WEE1: variants seen among roughly 807,000 people sequenced by gnomAD.
The protein encoded by WEE1 is WEE1 G2 checkpoint kinase, also known as wee1-like protein kinase.
WEE1 carries 16 observed loss-of-function variants against 68.8 expected under a neutral mutation model. That is an observed-to-expected ratio of 0.23 (90% CI 0.16 to 0.35). WEE1 has a LOEUF of 0.35. WEE1 is among the 10% of genes least tolerant of loss of function. The probability of loss-of-function intolerance (pLI) is 1.00; values close to 1 mark genes in which losing one functional copy is unlikely to be tolerated. For synonymous variants in WEE1, 349 were observed against 318.7 expected, an observed-to-expected ratio of 1.09 and a Z score of -1.01; for missense variants, 651 against 824.1, an observed-to-expected ratio of 0.79 and a Z score of 2.57.
At chr11:9,580,384 T>A (rs375573058) in intron 5 of WEE1, 28 of 152,194 alleles carry the variant, frequency 1.8e-4, no homozygotes, top group African/African-American at 6.3e-4. Context: ...GGCCATAGTA[T>A]GTAATAGCAA....
At chr11:9,577,114 C>G in intron 4 of WEE1, 28 bp from the exon 5 acceptor site, 1 of 1,581,716 alleles carries the variant, frequency 6.3e-7, no homozygotes. Context: ...AATTATTTAC[C>G]ATTCTATTAA....
intron 10 of WEE1, among the ~76,000 whole-genome samples, chr11:9,588,082 A>G (rs1040429148): frequency 2.6e-5 from 4 of 152,052 alleles, no homozygotes; most frequent in Non-Finnish European, 5.9e-5. Flanking sequence ...TGGCACTATC[A>G]TAGCTCACTG....
chr11:9,585,485 A>G lies in WEE1; in HGVS notation c.1428A>G (p.Glu476=), dbSNP rs10770042. Residue 476 remains glutamate (E), a synonymous_variant, in exon 8 of 11, where the codon GAA becomes GAG. Transcript: ENST00000450114. Reference sequence around the variant, plus strand: ...CAAGGATCTCCAGTCCACAAGTTGAAGAGGGCGATAGTCGTTTTCTTGCAA... The same window carrying G: ...CAAGGATCTCCAGTCCACAAGTTGAGGAGGGCGATAGTCGTTTTCTTGCAA... ...HVTRISSPQV[E]EGDSRFLANE... 0.16 allele frequency: 252,538 copies of G among 1,599,370 alleles called. 20,584 individuals are homozygous for G. Among genetic ancestry groups the G allele is most frequent in the East Asian group, 0.23 (10,443 of 44,706 alleles).
At position 9,585,238 on chromosome 11, in the gene WEE1, C is replaced by A. The variant is rs1036992721; in HGVS notation, c.1289-20C>A. On this transcript the variant is annotated intron_variant, in intron 6 of 10. Transcript: ENST00000450114. The stretch of plus-strand genomic sequence containing the variant: ...GTTTTATTATTATTAGTTTGGCTTA[C>A]ATAATTAACTGTTTGACAGGTAATA... 2 of 1,553,512 alleles carry A rather than the reference C, an allele frequency of 1.3e-6. No homozygotes were observed. The highest frequency in any genetic ancestry group is 2.7e-5 in the African/African-American group (2 of 73,444).
In WEE1 at chr11:9,589,504, A is replaced by C. The variant is rs938961494; in HGVS notation, c.*902A>C. ...CGGTTTTTCTCTTCAATATTTGTGT[A>C]TATAAACCGATCTTCGTGATACTGT... On this transcript the variant is annotated 3_prime_UTR_variant, in exon 11 of 11. Transcript: ENST00000450114. 5.1e-6 allele frequency: 5 copies of C among 985,412 alleles called. No individual in the cohort carries two copies. Among genetic ancestry groups the C allele is most frequent in the Non-Finnish European group, 1.2e-6 (1 of 829,836 alleles). 61.0% of individuals were successfully genotyped at this position (985,412 alleles called of 1,614,324 possible).
rs1048144030 is a variant in WEE1 at position 9,575,347 on chromosome 11, A to G, written c.577-541A>G. ...GATTAAGACAAGCCTCGCATTTGTAAGGTTAACAGGGAAGATGCACCTTTT... is the reference window on the plus strand; with the variant it reads ...GATTAAGACAAGCCTCGCATTTGTAGGGTTAACAGGGAAGATGCACCTTTT... On this transcript the variant is annotated intron_variant, in intron 1 of 10. Coordinates refer to ENST00000450114, the MANE Select transcript of WEE1 (RefSeq NM_003390.4). 10 of 989,240 alleles carry G rather than the reference A, an allele frequency of 1.0e-5. No individual in the cohort carries two copies. In the African/African-American group the frequency reaches 1.7e-4, roughly 17 times the overall value. The allele number at this position is 989,240 out of a possible 1,614,324, so 61.3% of individuals were successfully genotyped here.
chr11:9,587,412 C>T (rs1162165928), intron 10 of WEE1, among the ~76,000 whole-genome samples: 1 of 152,200 alleles, frequency 6.6e-6, no homozygotes, highest in African/African-American at 2.4e-5. Flanking sequence ...TGGTGATAGT[C>T]CCCAAGCCAT....
rs1026746748 is a variant in WEE1 at position 9,574,736 on chromosome 11, C to G, written c.576+227C>G. On this transcript the variant is annotated intron_variant, in intron 1 of 10. Transcript: ENST00000450114. The surrounding 1 kb of genome is among the most constrained non-coding windows in gnomAD (Gnocchi z 4.9). ...CTGGAACTTCATCTTACAAAGGGGCCGATCGGCCCGTCCGGGTGGCCAAGG... is the reference window on the plus strand; with the variant it reads ...CTGGAACTTCATCTTACAAAGGGGCGGATCGGCCCGTCCGGGTGGCCAAGG... 3.8e-6 allele frequency: 4 copies of G among 1,042,934 alleles called. No homozygotes were observed. Among genetic ancestry groups the G allele is most frequent in the Non-Finnish European group, 4.6e-6 (4 of 868,160 alleles). 64.6% of individuals were successfully genotyped at this position (1,042,934 alleles called of 1,614,324 possible). A position where few individuals can be genotyped will look rare whatever the true frequency, so the allele number is the denominator to read the frequency against.
intron 5 of WEE1, 42 bp from the exon 6 acceptor site, chr11:9,581,490 T>C (rs371146678): frequency 8.4e-6 from 13 of 1,553,122 alleles, no homozygotes; most frequent in African/African-American, 5.5e-5. Context: ...AAAGAAAATA[T>C]TTCAGAAAGA....
At position 9,574,903 on chromosome 11, in the gene WEE1, G is replaced by C; in HGVS notation, c.576+394G>C. The stretch of plus-strand genomic sequence containing the variant: ...CCATAGGATGCCTTTTAAACGCGGC[G>C]ATCGGGCCTGTAATTTGGGCGGCGC... On this transcript the variant is annotated intron_variant, in intron 1 of 10. Transcript: ENST00000450114. This position sits in a 1 kb window ranked among gnomAD's most constrained non-coding sequence, Gnocchi z 4.9. The C allele has an allele frequency of 1.0e-6, 1 of 985,680 alleles. No homozygotes were observed. The highest frequency in any genetic ancestry group is 1.7e-5 in the African/African-American group (1 of 57,242). 61.1% of individuals were successfully genotyped at this position (985,680 alleles called of 1,614,324 possible).
chr11:9,574,851 C>T lies in WEE1; in HGVS notation c.576+342C>T. ...CGGTTCGCGAGGATGCTGGAGGGTG[C>T]CGGCCCGGCCACCTGACACTCCCGA... On this transcript the variant is annotated intron_variant, in intron 1 of 10. Coordinates refer to ENST00000450114, the MANE Select transcript of WEE1 (RefSeq NM_003390.4). This position sits in a 1 kb window ranked among gnomAD's most constrained non-coding sequence, Gnocchi z 4.9. The T allele has an allele frequency of 1.0e-6, 1 of 990,422 alleles. No individual in the cohort carries two copies. Among genetic ancestry groups the T allele is most frequent in the Non-Finnish European group, 1.2e-6 (1 of 833,244 alleles). The allele number at this position is 990,422 out of a possible 1,614,324, so 61.4% of individuals were successfully genotyped here. A position where few individuals can be genotyped will look rare whatever the true frequency, so the allele number is the denominator to read the frequency against.
In WEE1 at chr11:9,574,868, C is replaced by T. The variant is rs947987014; in HGVS notation, c.576+359C>T. ...GGAGGGTGCCGGCCCGGCCACCTGA[C>T]ACTCCCGAGCCATAGGATGCCTTTT... is the stretch of plus-strand genomic sequence containing the variant. On this transcript the variant is annotated intron_variant, in intron 1 of 10. Transcript: ENST00000450114. The surrounding 1 kb of genome is among the most constrained non-coding windows in gnomAD (Gnocchi z 4.9). The T allele has an allele frequency of 2.7e-5, 27 of 988,506 alleles. No individual in the cohort carries two copies. The highest frequency in any genetic ancestry group is 3.1e-5 in the Non-Finnish European group (26 of 831,982). The allele number at this position is 988,506 out of a possible 1,614,324, so 61.2% of individuals were successfully genotyped here.
Position 9,576,232 on chromosome 11 carries a change from C to G in WEE1, c.785C>G (p.Ser262Cys). ...TAGAAAAATAACATTTTTTTTAGTT[C>G]CTGTGGTGAAGACATGGAAGCCAGT... Reference protein sequence around the residue: ...RRRKRTYWNDSCGEDMEASDY... With the variant: ...RRRKRTYWNDCCGEDMEASDY... Residue 262 changes from serine (S) to cysteine (C), a missense_variant and splice_region_variant, in exon 3 of 11, where the codon TCC becomes TGC. Coordinates refer to ENST00000450114, the MANE Select transcript of WEE1 (RefSeq NM_003390.4). This position sits in a 1 kb window ranked among gnomAD's most constrained non-coding sequence, Gnocchi z 4.3. 1.3e-6 allele frequency: 2 copies of G among 1,530,096 alleles called. No homozygotes were observed. The highest frequency in any genetic ancestry group is 1.8e-6 in the Non-Finnish European group (2 of 1,126,796). 94.8% of individuals were successfully genotyped at this position (1,530,096 alleles called of 1,614,324 possible).
At chr11:9,587,583 T>C (rs1849715941) in intron 10 of WEE1, among the ~76,000 whole-genome samples, 1 of 152,200 alleles carries the variant, frequency 6.6e-6, no homozygotes, top group Non-Finnish European at 1.5e-5. Flanking sequence ...GTTTTTAATT[T>C]CTGGCTAAAT....
chr11:9,574,754 G>T lies in WEE1; in HGVS notation c.576+245G>T, dbSNP rs559839538. On this transcript the variant is annotated intron_variant, in intron 1 of 10. Coordinates refer to ENST00000450114, the MANE Select transcript of WEE1 (RefSeq NM_003390.4). The surrounding 1 kb of genome is among the most constrained non-coding windows in gnomAD (Gnocchi z 4.9). ...AAGGGGCCGATCGGCCCGTCCGGGTGGCCAAGGATTTGCCGCCCGTTGAGT... is the reference window on the plus strand; with the variant it reads ...AAGGGGCCGATCGGCCCGTCCGGGTTGCCAAGGATTTGCCGCCCGTTGAGT... 3.9e-6 allele frequency: 4 copies of T among 1,026,222 alleles called. No individual in the cohort carries two copies. The highest frequency in any genetic ancestry group is 5.7e-5 in the Admixed American group (1 of 17,442). The allele number at this position is 1,026,222 out of a possible 1,614,324, so 63.6% of individuals were successfully genotyped here. A position where few individuals can be genotyped will look rare whatever the true frequency, so the allele number is the denominator to read the frequency against.
Position 9,576,766 on chromosome 11 carries a change from C to A in WEE1, c.1019+107C>A. ...AATTCCATCTCTAACTTTTGAGAAG[C>A]TGTAATGATTTAATCAGGTCCTTTT... On this transcript the variant is annotated intron_variant, in intron 4 of 10. Transcript: ENST00000450114. This position sits in a 1 kb window ranked among gnomAD's most constrained non-coding sequence, Gnocchi z 4.3. 1 of 1,205,882 alleles carries A rather than the reference C, an allele frequency of 8.3e-7. No homozygotes were observed. Among genetic ancestry groups the A allele is most frequent in the Non-Finnish European group, 1.2e-6 (1 of 866,144 alleles). The allele number at this position is 1,205,882 out of a possible 1,614,324, so 74.7% of individuals were successfully genotyped here.
rs1198193288 is a variant in WEE1, at chr11:9,589,032, A to G, written c.*430A>G. The G allele has an allele frequency of 3.1e-6, 3 of 979,166 alleles. No individual in the cohort carries two copies. The highest frequency in any genetic ancestry group is 3.6e-6 in the Non-Finnish European group (3 of 825,394). 60.7% of individuals were successfully genotyped at this position (979,166 alleles called of 1,614,324 possible). A position where few individuals can be genotyped will look rare whatever the true frequency, so the allele number is the denominator to read the frequency against. On this transcript the variant is annotated 3_prime_UTR_variant, in exon 11 of 11. Coordinates refer to ENST00000450114, the MANE Select transcript of WEE1 (RefSeq NM_003390.4). Reference sequence around the variant, plus strand: ...TTCAATGTACCTGTGTGTCCATCTTATATTTCTTTTTTTTTTAATTGTGAA... The same window carrying G: ...TTCAATGTACCTGTGTGTCCATCTTGTATTTCTTTTTTTTTTAATTGTGAA...
intron 5 of WEE1, chr11:9,581,035 T>C (rs142455775): frequency 6.5e-6 from 1 of 152,812 alleles, no homozygotes; most frequent in African/African-American, 2.4e-5. Context: ...TCTATGCCGA[T>C]CTAAGTTGAG....
At position 9,588,556 on chromosome 11, in the gene WEE1, T is replaced by C. The variant is rs1849727878; in HGVS notation, c.1895T>C (p.Leu632Pro). ...STTQSNRTSR[L>P]IGKKMNRSVS... is the part of the protein sequence containing the mutation. ...ACCCAGAGTAATAGAACATCTCGAC[T>C]TATTGGAAAGAAAATGAACCGCTCT... Residue 632 changes from leucine to proline, a missense_variant, in exon 11 of 11, where the codon CTT becomes CCT. Physicochemically the swap from Leu to Pro is moderately conservative, Grantham distance 98. Around this residue, in one of 5 missense-constraint regions of WEE1, gnomAD observed 115 missense variants for 142.7 expected, o/e 0.81. Transcript: ENST00000450114. 6.2e-7 allele frequency: 1 copy of C among 1,610,524 alleles called. No individual in the cohort carries two copies. Among genetic ancestry groups the C allele is most frequent in the Non-Finnish European group, 8.5e-7 (1 of 1,179,158 alleles).
Sources: allele counts gnomAD v4.1 joint callset (sites outside exome capture counted in the v4.1 genomes callset), GRCh38; gene constraint gnomAD v4.1.1; regional missense constraint gnomAD v4.1.1; non-coding constraint Gnocchi (gnomAD v3.1); transcripts MANE v1.5; gene names NCBI Gene and HGNC (gene_info 2026-07-23, HGNC 2026-07-21).